The following DYRK3 variants were observed in gnomAD, a reference collection of about 807,000 sequenced individuals.
DYRK3 encodes dual specificity tyrosine phosphorylation regulated kinase 3.
Under a neutral mutation model 40.8 loss-of-function variants are expected in DYRK3, and 30 were observed. The observed-to-expected ratio is 0.74, with a 90% CI of 0.55 to 1.00. The LOEUF (loss-of-function observed/expected upper bound fraction) is 1.00. Ranked by LOEUF, DYRK3 falls within the 50% of genes least tolerant of loss-of-function variation. The probability of loss-of-function intolerance (pLI) is 0.00; values close to 1 mark genes in which losing one functional copy is unlikely to be tolerated. For synonymous variants in DYRK3, 272 were observed against 260.7 expected (o/e 1.04, Z -0.42); for missense variants, 699 against 731.5 (o/e 0.96, Z 0.51).
chr1:206,635,870 T>G, intron 1 of DYRK3, 90 bp downstream of exon 1: 1 of 1,246,228 alleles, frequency 8.0e-7, no homozygotes, highest in Non-Finnish European at 1.0e-6. Flanking sequence ...GGAGGTAGAG[T>G]GAGCCCTCAG....
In DYRK3 at chr1:206,649,038, G is replaced by A. The variant is rs202226255; in HGVS notation, c.*73G>A. On this transcript the variant is annotated 3_prime_UTR_variant, in exon 3 of 3. Coordinates refer to ENST00000367109, the MANE Select transcript of DYRK3 (RefSeq NM_003582.4). ...TTACAAACCTGCAAATGGAAAAAAT[G>A]CAAGCCCATTGGTGGATGTTTTTGT... The A allele has an allele frequency of 1.7e-5, 24 of 1,442,250 alleles. No individual in the cohort carries two copies. The highest frequency in any genetic ancestry group is 1.9e-4 in the Middle Eastern group (1 of 5,218). The allele number at this position is 1,442,250 out of a possible 1,614,324, so 89.3% of individuals were successfully genotyped here.
At chr1:206,647,249 TTCTTA>T (rs1572449491) in intron 2 of DYRK3, 134 bp from the exon 3 acceptor site, 1 of 879,880 alleles carries the variant, frequency 1.1e-6, no homozygotes, top group Non-Finnish European at 1.7e-6. Flanking sequence ...ACTCTTGCTT[TTCTTA>T]TCTTCTTTTT....
chr1:206,644,365 G>A lies in DYRK3; in HGVS notation c.190-3023G>A, dbSNP rs140512516. 3.3e-5 allele frequency among the ~76,000 whole-genome samples: 5 copies of A among 151,962 alleles called. No homozygotes were observed. The East Asian group carries it at 9.7e-4, about 30-fold the overall frequency. On this transcript the variant is annotated intron_variant, in intron 2 of 2. Coordinates refer to ENST00000367109, the MANE Select transcript of DYRK3 (RefSeq NM_003582.4). ...TACAGCTTTTAAGTAGTGTAGCCAGGACCCCAACCCAGGCCTTCTGACTCC... is the reference window on the plus strand; with the variant it reads ...TACAGCTTTTAAGTAGTGTAGCCAGAACCCCAACCCAGGCCTTCTGACTCC...
In DYRK3 at chr1:206,649,422, A is replaced by G. The variant is rs1671571120; in HGVS notation, c.*457A>G. 6.6e-6 allele frequency among the ~76,000 whole-genome samples: 1 copy of G among 152,200 alleles called. No individual in the cohort carries two copies. The highest frequency in any genetic ancestry group is 2.4e-5 in the African/African-American group (1 of 41,442). On this transcript the variant is annotated 3_prime_UTR_variant, in exon 3 of 3. Coordinates refer to ENST00000367109, the MANE Select transcript of DYRK3 (RefSeq NM_003582.4). ...CTAGGCCATTCTCTAGGCTCATTCT[A>G]GGTGAAAGAGCTCACAGCAGACTGT...
At position 206,647,761 on chromosome 1, in the gene DYRK3, G is replaced by T. The variant is rs1558558724; in HGVS notation, c.563G>T (p.Gly188Val). 1 of 1,614,158 alleles carries T rather than the reference G, an allele frequency of 6.2e-7. No homozygotes were observed. The highest frequency in any genetic ancestry group is 8.5e-7 in the Non-Finnish European group (1 of 1,180,036). Residue 188 changes from glycine (G) to valine (V), a missense_variant, in exon 3 of 3, where the codon GGA becomes GTA. By Grantham distance (109) the Gly-to-Val change is moderately radical. Transcript: ENST00000367109. ...RHGVIGGPNNGGYDDADGAYI... is the reference protein window; with the variant it reads ...RHGVIGGPNNVGYDDADGAYI... The stretch of plus-strand genomic sequence containing the variant: ...GGAGTTATTGGTGGTCCCAATAATG[G>T]AGGGTATGATGATGCAGATGGGGCC...
chr1:206,645,893 C>T (rs1298608362), intron 2 of DYRK3, among the ~76,000 whole-genome samples: 1 of 151,720 alleles, frequency 6.6e-6, no homozygotes, highest in African/African-American at 2.4e-5. Context: ...CTCTGTCGCT[C>T]AGGCTGGAGT....
At chr1:206,642,635 T>G (rs868937810) in intron 2 of DYRK3, among the ~76,000 whole-genome samples, 5 of 152,172 alleles carry the variant, frequency 3.3e-5, no homozygotes, top group Middle Eastern at 3.4e-3. Flanking sequence ...TGTAGAGACA[T>G]GGATGAAGCT....
At position 206,648,592 on chromosome 1, in the gene DYRK3, T is replaced by G. The variant is rs961358453; in HGVS notation, c.1394T>G (p.Val465Gly). The change falls in exon 3 of 3, where the codon GTG (valine) becomes GGG (glycine). Residue 465 changes from valine (V) to glycine (G), a missense_variant. Val to Gly is a moderately radical substitution (Grantham distance 109). Transcript: ENST00000367109. ...CAGGCAGATGGGAGGGTTGTGCTTG[T>G]GGGGGGTCGCTCACGTAGGGGTAAA... ...TTQADGRVVL[V>G]GGRSRRGKKR... The G allele has an allele frequency of 6.2e-6, 10 of 1,613,960 alleles. No individual in the cohort carries two copies. Among genetic ancestry groups the G allele is most frequent in the Middle Eastern group, 1.6e-4 (1 of 6,062 alleles).
intron 2 of DYRK3, among the ~76,000 whole-genome samples, chr1:206,646,396 T>C (rs1402935770): frequency 6.6e-6 from 1 of 152,214 alleles, no homozygotes; most frequent in East Asian, 1.9e-4. Flanking sequence ...GTAGAGCTTT[T>C]TTCTGTGGGT....
Position 206,647,442 on chromosome 1 carries a change from G to A in DYRK3, c.244G>A (p.Glu82Lys). ...TACTCAGCACTTTTTGGATGGAGGTGAGATGAAGGTAGAACAGCTGTTTCA... is the reference window on the plus strand; with the variant it reads ...TACTCAGCACTTTTTGGATGGAGGTAAGATGAAGGTAGAACAGCTGTTTCA... ...DHTQHFLDGG[E>K]MKVEQLFQEF... The change falls in exon 3 of 3, where the codon GAG becomes AAG. Residue 82 changes from glutamate (E) to lysine (K), a missense_variant. By Grantham distance (56) the Glu-to-Lys change is moderately conservative. Coordinates refer to ENST00000367109, the MANE Select transcript of DYRK3 (RefSeq NM_003582.4). 2 of 1,614,040 alleles carry A rather than the reference G, an allele frequency of 1.2e-6. No individual in the cohort carries two copies. The highest frequency in any genetic ancestry group is 1.7e-6 in the Non-Finnish European group (2 of 1,179,980).
chr1:206,645,706 T>C (rs1404507774), intron 2 of DYRK3, among the ~76,000 whole-genome samples: 1 of 150,676 alleles, frequency 6.6e-6, no homozygotes, highest in Non-Finnish European at 1.5e-5. Context: ...TTTGTATTTT[T>C]AGTAGAGGTG....
rs782443057 is a variant in DYRK3, at chr1:206,637,702, C to G, written c.130C>G (p.Pro44Ala). ...CATGATGATAGATGAAACCAAATGT[C>G]CCCCCTGTTCAAATGTACTCTGCAA... is the stretch of plus-strand genomic sequence containing the variant. ...TFMMIDETKC[P>A]PCSNVLCNPS... Residue 44 changes from proline to alanine, a missense_variant, in exon 2 of 3, where the codon CCC becomes GCC. Pro to Ala is a conservative substitution (Grantham distance 27). Transcript: ENST00000367109. The G allele has an allele frequency of 3.1e-6, 5 of 1,613,748 alleles. No individual in the cohort carries two copies. The East Asian group carries it at 1.1e-4, about 36-fold the overall frequency.
At chr1:206,641,595 C>T (rs1285157752) in intron 2 of DYRK3, among the ~76,000 whole-genome samples, 1 of 150,190 alleles carries the variant, frequency 6.7e-6, no homozygotes, top group Non-Finnish European at 1.5e-5. Flanking sequence ...ATTTATAACA[C>T]ATCAGACTTG....
In DYRK3 at chr1:206,653,857, T is replaced by C. The variant is rs1014859938; in HGVS notation, c.*4892T>C. ...TTTATTCCTTGGTGTTTAAGGGAGT[T>C]GGGGCAGACAGGTTAGCTGGCTAAT... On this transcript the variant is annotated 3_prime_UTR_variant, in exon 3 of 3. Transcript: ENST00000367109. Among the ~76,000 whole-genome samples, 1 of 152,222 alleles carries C rather than the reference T, an allele frequency of 6.6e-6. No individual in the cohort carries two copies. The highest frequency in any genetic ancestry group is 2.4e-5 in the African/African-American group (1 of 41,452).
chr1:206,643,062 C>A (rs1230671593), intron 2 of DYRK3, among the ~76,000 whole-genome samples: 1 of 152,086 alleles, frequency 6.6e-6, no homozygotes, highest in African/African-American at 2.4e-5. Context: ...CTGCTCTGTT[C>A]TGGAAGGCAT....
At chr1:206,646,529 T>G (rs1671460025) in intron 2 of DYRK3, among the ~76,000 whole-genome samples, 1 of 152,206 alleles carries the variant, frequency 6.6e-6, no homozygotes, top group Non-Finnish European at 1.5e-5. Context: ...CCCTCACTGT[T>G]ATCAGGTACT....
At chr1:206,641,615 T>C (rs1390360067) in intron 2 of DYRK3, among the ~76,000 whole-genome samples, 2 of 150,462 alleles carry the variant, frequency 1.3e-5, no homozygotes, top group Non-Finnish European at 2.9e-5. Flanking sequence ...GATATGTAAT[T>C]GATTCAGGCC....
rs879991289 is a variant in DYRK3, at chr1:206,653,288, G to T, written c.*4323G>T. Among the ~76,000 whole-genome samples, 9 of 152,122 alleles carry T rather than the reference G, an allele frequency of 5.9e-5. No homozygotes were observed. Among genetic ancestry groups the T allele is most frequent in the Non-Finnish European group, 4.4e-5 (3 of 68,032 alleles). On this transcript the variant is annotated 3_prime_UTR_variant, in exon 3 of 3. Coordinates refer to ENST00000367109, the MANE Select transcript of DYRK3 (RefSeq NM_003582.4). ...GTGCCTTACCCTCTCAAAGTGCTGG[G>T]ATTATAGGTGTGAGCGACCGTGCCC... is the stretch of plus-strand genomic sequence containing the variant.
intron 2 of DYRK3, among the ~76,000 whole-genome samples, chr1:206,640,793 G>A (rs1023312233): frequency 2.6e-5 from 4 of 151,826 alleles, no homozygotes; most frequent in East Asian, 1.9e-4. Flanking sequence ...CTCGTGATCC[G>A]CCCGCCTTGG....
Sources: allele counts gnomAD v4.1 joint callset (sites outside exome capture counted in the v4.1 genomes callset), GRCh38; gene constraint gnomAD v4.1.1; transcripts MANE v1.5; gene names NCBI Gene and HGNC (gene_info 2026-07-23, HGNC 2026-07-21).